Variants in STK32A observed in about 807,000 individuals in gnomAD.
STK32A encodes the protein serine/threonine-protein kinase 32A.
In STK32A, 41 loss-of-function variants were observed where a neutral mutation model predicts 53.2. The ratio of observed to expected loss-of-function variants is 0.77; its 90% CI spans 0.60 to 1.00. The LOEUF (loss-of-function observed/expected upper bound fraction) is 1.00. Ranked by LOEUF, STK32A falls within the 50% of genes least tolerant of loss-of-function variation. The pLI, the probability that STK32A is intolerant of heterozygous loss-of-function variation, is 0.00. For missense variants in STK32A, 458 were observed against 485.8 expected, an observed-to-expected ratio of 0.94 and a Z score of 0.54; for synonymous variants, 166 against 162.8, an observed-to-expected ratio of 1.02 and a Z score of -0.15.
rs556788859 is a variant in STK32A at position 147,338,546 on chromosome 5, G to A, written c.435-4460G>A. 2.6e-5 allele frequency among the ~76,000 whole-genome samples: 4 copies of A among 152,218 alleles called. No homozygotes were observed. The South Asian group carries it at 8.3e-4, about 31-fold the overall frequency. On this transcript the variant is annotated intron_variant, in intron 5 of 12. Transcript: ENST00000397936. The stretch of plus-strand genomic sequence containing the variant: ...CTTTGGAACTGGGTAACAGGCAGGG[G>A]TTGGAACAGTTTGGAGGGCTCAGAA...
chr5:147,345,940 G>C (rs1322163510), intron 6 of STK32A, among the ~76,000 whole-genome samples: 1 of 152,172 alleles, frequency 6.6e-6, no homozygotes, highest in Non-Finnish European at 1.5e-5. Context: ...GAATGGTACA[G>C]AAGTGAGCAA....
At chr5:147,266,429 T>C (rs1482711291) in intron 2 of STK32A, among the ~76,000 whole-genome samples, 1 of 152,200 alleles carries the variant, frequency 6.6e-6, no homozygotes, top group Non-Finnish European at 1.5e-5. Flanking sequence ...GTAAGACTTT[T>C]CTTAGAAGGT....
chr5:147,284,696 C>CAA (rs869167577), intron 4 of STK32A, among the ~76,000 whole-genome samples: 5 of 51,656 alleles, frequency 9.7e-5, no homozygotes, highest in African/African-American at 2.8e-4. Context: ...CAAGACAAAA[C>CAA]AAAAAAACAA....
intron 4 of STK32A, among the ~76,000 whole-genome samples, chr5:147,303,295 G>A (rs1052150552): frequency 5.9e-5 from 9 of 152,180 alleles, no homozygotes; most frequent in Non-Finnish European, 1.3e-4. Flanking sequence ...AGTTCTTCCA[G>A]TCTGGGCTGT....
intron 5 of STK32A, chr5:147,342,761 T>G: frequency 2.1e-6 from 1 of 481,622 alleles, no homozygotes; most frequent in Non-Finnish European, 3.7e-6. Flanking sequence ...AGAGAGGCCT[T>G]GGTTCAGAGC....
intron 4 of STK32A, among the ~76,000 whole-genome samples, chr5:147,303,904 G>A (rs575050612): frequency 2.0e-5 from 3 of 152,272 alleles, no homozygotes; most frequent in Admixed American, 6.5e-5. Flanking sequence ...TAGAGATGTT[G>A]ACTGACTGAT....
chr5:147,240,389 TA>T (rs1753521538), intron 2 of STK32A, among the ~76,000 whole-genome samples: 1 of 152,122 alleles, frequency 6.6e-6, no homozygotes, highest in Non-Finnish European at 1.5e-5. Context: ...CCCCAGGTAG[TA>T]AGTTGTCCAG....
chr5:147,286,293 G>A (rs925852051), intron 4 of STK32A, among the ~76,000 whole-genome samples: 7 of 151,918 alleles, frequency 4.6e-5, no homozygotes, highest in Non-Finnish European at 7.4e-5. Flanking sequence ...GGAGGGGGGC[G>A]AGGGATACAA....
At chr5:147,389,145 CA>C (rs1240096149), downstream of STK32A, among the ~76,000 whole-genome samples, 3 of 152,160 alleles carry the variant, frequency 2.0e-5, no homozygotes, top group South Asian at 2.1e-4. Context: ...ATCAGACCAA[CA>C]GGGGGTCATC....
intron 4 of STK32A, among the ~76,000 whole-genome samples, chr5:147,296,960 G>A (rs1407591473): frequency 1.3e-5 from 2 of 152,058 alleles, no homozygotes; most frequent in East Asian, 1.9e-4. Context: ...GCCTGGACTC[G>A]GCATGGACAG....
chr5:147,271,182 C>T (rs1315819451), intron 2 of STK32A, among the ~76,000 whole-genome samples: 2 of 152,124 alleles, frequency 1.3e-5, no homozygotes, highest in Non-Finnish European at 2.9e-5. Flanking sequence ...ATTTCATGGA[C>T]ATTTATTAGA....
intron 4 of STK32A, among the ~76,000 whole-genome samples, chr5:147,295,866 C>T (rs558854993): frequency 4.6e-5 from 7 of 152,264 alleles, no homozygotes; most frequent in African/African-American, 1.7e-4. Flanking sequence ...AATTACACTT[C>T]AAAAACACAG....
chr5:147,345,341 C>G (rs1755631477), intron 6 of STK32A, among the ~76,000 whole-genome samples: 1 of 152,194 alleles, frequency 6.6e-6, no homozygotes. Context: ...CAATGACTGT[C>G]ACAAAGAAAT....
rs115678369 is a variant in STK32A at position 147,344,955 on chromosome 5, T to C, written c.472+1912T>C. Among the ~76,000 whole-genome samples the C allele has an allele frequency of 5.0e-3, 756 of 152,318 alleles. 5 individuals carry two copies. The highest frequency in any genetic ancestry group is 0.017 in the African/African-American group (726 of 41,556). On this transcript the variant is annotated intron_variant, in intron 6 of 12. Coordinates refer to ENST00000397936, the MANE Select transcript of STK32A (RefSeq NM_001112724.2). ...TATCATTAAGGCATCCTATTCTCCT[T>C]CAGTCAACTTCTTCCTCCTCCTCAT...
intron 11 of STK32A, chr5:147,375,982 A>T (rs1757215824): frequency 6.6e-6 from 1 of 152,080 alleles, no homozygotes; most frequent in African/African-American, 2.4e-5. Context: ...CCCTCCATCC[A>T]TTCATTTAGG....
In STK32A at chr5:147,335,660, G is replaced by A. The variant is rs79454683; in HGVS notation, c.435-7346G>A. ...CTCAGTGGCTTAAATTGGGTCACCA[G>A]CCCATCCCTGAACCAATAACAGGGC... On this transcript the variant is annotated intron_variant, in intron 5 of 12. Transcript: ENST00000397936. Among the ~76,000 whole-genome samples the A allele has an allele frequency of 5.0e-3, 761 of 152,336 alleles. 1 individual carries two copies. The highest frequency in any genetic ancestry group is 8.4e-3 in the Non-Finnish European group (570 of 68,020).
intron 5 of STK32A, among the ~76,000 whole-genome samples, chr5:147,331,933 C>A (rs1422332040): frequency 1.3e-5 from 2 of 152,136 alleles, no homozygotes; most frequent in African/African-American, 4.8e-5. Context: ...ATGGGCCCTG[C>A]TGGCATCTTG....
chr5:147,400,944 G>A, the STK32A span: 1 of 1,378,656 alleles, frequency 7.3e-7, no homozygotes, highest in Non-Finnish European at 9.7e-7. Context: ...TTTGGGTTTG[G>A]AATGCCTCCT....
intron 5 of STK32A, among the ~76,000 whole-genome samples, chr5:147,328,555 T>C (rs1754713152): frequency 6.6e-6 from 1 of 152,214 alleles, no homozygotes; most frequent in African/African-American, 2.4e-5. Flanking sequence ...AGTCAAACTT[T>C]TTGTGTGAGT....
Sources: allele counts gnomAD v4.1 joint callset (sites outside exome capture counted in the v4.1 genomes callset), GRCh38; gene constraint gnomAD v4.1.1; transcripts MANE v1.5; gene names NCBI Gene and HGNC (gene_info 2026-07-23, HGNC 2026-07-21).